DCUN1D1: variants seen among roughly 807,000 people sequenced by gnomAD.
DCUN1D1 encodes DCN1-like protein 1.
DCUN1D1 carries 3 observed loss-of-function variants against 39.0 expected under a neutral mutation model. The observed-to-expected ratio is 0.08, with a 90% CI of 0.04 to 0.20. The LOEUF (loss-of-function observed/expected upper bound fraction) is 0.20, where lower values mean the gene tolerates loss of function less well. DCUN1D1 is among the 10% of genes least tolerant of loss of function. The pLI, the probability that DCUN1D1 is intolerant of heterozygous loss-of-function variation, is 1.00. For missense variants in DCUN1D1, 158 were observed against 302.4 expected, an observed-to-expected ratio of 0.52 and a Z score of 3.54; for synonymous variants, 82 against 96.3, an observed-to-expected ratio of 0.85 and a Z score of 0.87.
chr3:182,947,171 A>G, intron 6 of DCUN1D1, 67 bp downstream of exon 6: 1 of 794,380 alleles, frequency 1.3e-6, no homozygotes, highest in Non-Finnish European at 2.0e-6. Context: ...AAAGTACCTA[A>G]GAAGTTCAAG....
chr3:182,974,588 A>G (rs1254418142), intron 1 of DCUN1D1, among the ~76,000 whole-genome samples: 1 of 152,014 alleles, frequency 6.6e-6, no homozygotes, highest in Non-Finnish European at 1.5e-5. Context: ...TCCTTGAAAA[A>G]TAAAATCTAA....
chr3:182,952,523 C>G (rs1197395814), intron 4 of DCUN1D1, among the ~76,000 whole-genome samples: 2 of 152,172 alleles, frequency 1.3e-5, no homozygotes, highest in African/African-American at 2.4e-5. Flanking sequence ...CTCAGGAGGG[C>G]TCAAACTGAA....
At chr3:182,968,890 G>A (rs370959122) in intron 1 of DCUN1D1, among the ~76,000 whole-genome samples, 12 of 152,260 alleles carry the variant, frequency 7.9e-5, no homozygotes, top group Admixed American at 2.6e-4. Context: ...ATGAGCCACC[G>A]CGCCAGGCCA....
At chr3:182,977,198 A>T (rs964588755) in intron 1 of DCUN1D1, among the ~76,000 whole-genome samples, 2 of 152,232 alleles carry the variant, frequency 1.3e-5, no homozygotes, top group African/African-American at 4.8e-5. Context: ...AAATAGTTTC[A>T]GTTCTGCAAC....
At chr3:182,976,860 C>A (rs1046648568) in intron 1 of DCUN1D1, among the ~76,000 whole-genome samples, 1 of 152,140 alleles carries the variant, frequency 6.6e-6, no homozygotes, top group Non-Finnish European at 1.5e-5. Flanking sequence ...AACTGATAAC[C>A]TCCTTTATTT....
At chr3:182,947,204 T>TAA in intron 6 of DCUN1D1, 34 bp downstream of exon 6, 1 of 1,255,320 alleles carries the variant, frequency 8.0e-7, no homozygotes, top group Non-Finnish European at 1.1e-6. Context: ...AAAGGCACAT[T>TAA]AAAAAAAAGT....
chr3:182,969,466 C>G (rs1362336113), intron 1 of DCUN1D1, among the ~76,000 whole-genome samples: 1 of 152,188 alleles, frequency 6.6e-6, no homozygotes, highest in Non-Finnish European at 1.5e-5. Context: ...GATTTTTTCT[C>G]TGTTTCTACT....
At chr3:182,956,906 A>C (rs1407367060) in intron 4 of DCUN1D1, among the ~76,000 whole-genome samples, 1 of 152,216 alleles carries the variant, frequency 6.6e-6, no homozygotes, top group African/African-American at 2.4e-5. Context: ...TATGATGTTC[A>C]ACTTTATGGG....
intron 4 of DCUN1D1, among the ~76,000 whole-genome samples, chr3:182,955,003 A>C (rs1427660644): frequency 6.6e-6 from 1 of 151,316 alleles, no homozygotes; most frequent in Non-Finnish European, 1.5e-5. Context: ...CTTTTGTGAA[A>C]TAGTCAGAAG....
intron 1 of DCUN1D1, among the ~76,000 whole-genome samples, chr3:182,971,216 A>C (rs1250832843): frequency 6.6e-6 from 1 of 152,194 alleles, no homozygotes; most frequent in African/African-American, 2.4e-5. Context: ...AATTCAGGTT[A>C]AACTCTTAGA....
chr3:182,971,598 A>C (rs1252491315), intron 1 of DCUN1D1, among the ~76,000 whole-genome samples: 5 of 151,170 alleles, frequency 3.3e-5, no homozygotes, highest in Admixed American at 6.6e-5. Context: ...CAAAAAAAAA[A>C]CTCCAGAAAA....
At chr3:182,975,093 A>G (rs1728151646) in intron 1 of DCUN1D1, among the ~76,000 whole-genome samples, 1 of 152,110 alleles carries the variant, frequency 6.6e-6, no homozygotes. Flanking sequence ...TGCTTGACCC[A>G]ATCTATAAGA....
At chr3:182,974,790 T>C (rs1054302046) in intron 1 of DCUN1D1, among the ~76,000 whole-genome samples, 2 of 151,074 alleles carry the variant, frequency 1.3e-5, no homozygotes, top group Non-Finnish European at 1.5e-5. Context: ...AATCCCATAA[T>C]GCAGACAAGC....
intron 1 of DCUN1D1, among the ~76,000 whole-genome samples, chr3:182,968,912 T>C (rs1174909879): frequency 2.6e-5 from 4 of 152,218 alleles, no homozygotes; most frequent in Non-Finnish European, 4.4e-5. Context: ...ATGTAAACTA[T>C]TTTAACTGGT....
chr3:182,982,776 C>T (rs567624484), upstream of DCUN1D1, among the ~76,000 whole-genome samples: 1 of 152,262 alleles, frequency 6.6e-6, no homozygotes, highest in Admixed American at 6.5e-5. Context: ...CACCGAGTAG[C>T]TGGGATTACA....
At chr3:182,963,205 T>C (rs2108374743) in intron 3 of DCUN1D1, among the ~76,000 whole-genome samples, 1 of 152,312 alleles carries the variant, frequency 6.6e-6, no homozygotes, top group South Asian at 2.1e-4. Context: ...ATCTCTAAAA[T>C]GGGGATAGAA....
chr3:182,966,023 A>C (rs1727648909), intron 1 of DCUN1D1, among the ~76,000 whole-genome samples: 1 of 152,128 alleles, frequency 6.6e-6, no homozygotes, highest in African/African-American at 2.4e-5. Context: ...GTGGGTCCTG[A>C]GAGCATACAG....
At chr3:182,957,682 G>A (rs1454305131) in intron 4 of DCUN1D1, among the ~76,000 whole-genome samples, 6 of 151,688 alleles carry the variant, frequency 4.0e-5, no homozygotes, top group African/African-American at 1.5e-4. Context: ...TGGCAACAGA[G>A]GAAGCACCCT....
chr3:182,974,328 C>T (rs763883486), intron 1 of DCUN1D1, among the ~76,000 whole-genome samples: 4 of 152,016 alleles, frequency 2.6e-5, no homozygotes, highest in Non-Finnish European at 4.4e-5. Context: ...CTTAAAATAC[C>T]TGGATTAGTC....
Sources: gnomAD v4.1 joint callset for allele counts (sites outside exome capture counted in the v4.1 genomes callset) on GRCh38, gnomAD v4.1.1 for gene constraint, MANE v1.5 for transcripts, NCBI Gene and HGNC (gene_info 2026-07-23, HGNC 2026-07-21) for gene names.